RSU1: variants seen among roughly 807,000 people sequenced by gnomAD.
The protein encoded by RSU1 is Ras suppressor protein 1, also known as rsu-1.
Under a neutral mutation model 31.1 loss-of-function variants are expected in RSU1, and 26 were observed. The observed-to-expected ratio is 0.84, with a 90% confidence interval of 0.61 to 1.16. The LOEUF is 1.16. Ranked by LOEUF, RSU1 falls within the 50% of genes most tolerant of loss-of-function variation. The pLI is 0.00. For missense variants in RSU1, 320 were observed against 339.1 expected (o/e 0.94, Z 0.44); for synonymous variants, 164 against 136.3 (o/e 1.20, Z -1.41).
chr10:16,764,255 T>A, intron 4 of RSU1, 135 bp downstream of exon 4: 1 of 1,066,352 alleles, frequency 9.4e-7, no homozygotes. Flanking sequence ...AAAATTTTTT[T>A]AAGACCCAAA....
In RSU1 at chr10:16,809,995, G is replaced by T. The variant is rs147376286; in HGVS notation, c.109+6978C>A. On this transcript the variant is annotated intron_variant, in intron 2 of 8. Coordinates refer to ENST00000345264, the MANE Select transcript of RSU1 (RefSeq NM_012425.4). ...CAGCAATTTGGGAGGCCGGGGGTGGGGGGGGGAGGTGAATCACCTGAGGTC... is the reference window on the plus strand; with the variant it reads ...CAGCAATTTGGGAGGCCGGGGGTGGTGGGGGGAGGTGAATCACCTGAGGTC... Among the ~76,000 whole-genome samples, 452 of 150,470 alleles carry T rather than the reference G, an allele frequency of 3.0e-3. 4 individuals carry two copies. Among genetic ancestry groups the T allele is most frequent in the African/African-American group, 0.01 (417 of 41,322 alleles).
intron 7 of RSU1, among the ~76,000 whole-genome samples, chr10:16,721,070 AAC>A (rs1229394488): frequency 3.3e-5 from 5 of 152,192 alleles, no homozygotes; most frequent in African/African-American, 9.7e-5. Context: ...TTCATTCACA[AAC>A]ATTCCATTAG....
rs145566890 is a variant in RSU1, at chr10:16,809,056, C to T, written c.109+7917G>A. Reference sequence around the variant, plus strand: ...TCTGTTGTCAAAATCACCCAGCCTGCGGTGTTTTGTTTTGCAGCCGTAGGA... The same window carrying T: ...TCTGTTGTCAAAATCACCCAGCCTGTGGTGTTTTGTTTTGCAGCCGTAGGA... On this transcript the variant is annotated intron_variant, in intron 2 of 8. Coordinates refer to ENST00000345264, the MANE Select transcript of RSU1 (RefSeq NM_012425.4). Among the ~76,000 whole-genome samples the T allele has an allele frequency of 7.9e-3, 1,200 of 152,262 alleles. 23 individuals are homozygous for T. The highest frequency in any genetic ancestry group is 0.028 in the African/African-American group (1,157 of 41,544).
chr10:16,654,254 C>T lies in RSU1; in HGVS notation c.731+40769G>A, dbSNP rs116382243. On this transcript the variant is annotated intron_variant, in intron 8 of 8. Transcript: ENST00000345264. The stretch of plus-strand genomic sequence containing the variant: ...CTGACCTCAGGTGATCAGCTCACCT[C>T]GGCCTCCCAAAGCATTGGGATTACA... Among the ~76,000 whole-genome samples, 637 of 150,674 alleles carry T rather than the reference C, an allele frequency of 4.2e-3. 6 individuals are homozygous for T. The highest frequency in any genetic ancestry group is 0.015 in the African/African-American group (610 of 40,988).
chr10:16,630,428 G>A (rs927481041), intron 8 of RSU1, among the ~76,000 whole-genome samples: 2 of 152,162 alleles, frequency 1.3e-5, no homozygotes, highest in African/African-American at 2.4e-5. Flanking sequence ...CCCTTCTAAT[G>A]ATCAAGGGTC....
intron 8 of RSU1, among the ~76,000 whole-genome samples, chr10:16,637,309 T>A (rs945146259): frequency 7.9e-5 from 12 of 152,192 alleles, no homozygotes; most frequent in African/African-American, 2.7e-4. Flanking sequence ...ACAGGAGGGA[T>A]CAGGAGGTTG....
chr10:16,694,873 C>T, intron 8 of RSU1, 150 bp downstream of exon 8: 1 of 718,824 alleles, frequency 1.4e-6, no homozygotes, highest in Non-Finnish European at 2.2e-6. Flanking sequence ...CACACCACAC[C>T]TGGCCGACAT....
chr10:16,674,767 A>T (rs1006983234), intron 8 of RSU1, among the ~76,000 whole-genome samples: 1 of 152,114 alleles, frequency 6.6e-6, no homozygotes, highest in African/African-American at 2.4e-5. Flanking sequence ...AAAGCCGGCC[A>T]GAAGCTGTAA....
chr10:16,656,639 T>C (rs910326836), intron 8 of RSU1, among the ~76,000 whole-genome samples: 1 of 152,238 alleles, frequency 6.6e-6, no homozygotes, highest in Admixed American at 6.5e-5. Context: ...ACCAACCAAG[T>C]ATGCACAAGC....
rs544555752 is a variant in RSU1 at position 16,632,553 on chromosome 10, C to G, written c.732-39057G>C. Among the ~76,000 whole-genome samples the G allele has an allele frequency of 3.9e-5, 6 of 152,306 alleles. No individual in the cohort carries two copies. In the East Asian group the frequency reaches 9.6e-4, roughly 24 times the overall value. ...CTGGCAAACTGCAGTGCCCCTGCAT[C>G]CTATCACAACCACCATGCCCCACAA... On this transcript the variant is annotated intron_variant, in intron 8 of 8. Transcript: ENST00000345264.
At chr10:16,662,603 A>C (rs1834908489) in intron 8 of RSU1, among the ~76,000 whole-genome samples, 1 of 152,204 alleles carries the variant, frequency 6.6e-6, no homozygotes, top group African/African-American at 2.4e-5. Context: ...CATTAGAAGT[A>C]TATTTTTGGT....
chr10:16,677,682 C>G (rs1835258847), intron 8 of RSU1, among the ~76,000 whole-genome samples: 1 of 152,078 alleles, frequency 6.6e-6, no homozygotes, highest in African/African-American at 2.4e-5. Context: ...GTTGCCCTGT[C>G]TCAACTAAAC....
chr10:16,801,691 T>C (rs1838158256), intron 2 of RSU1, among the ~76,000 whole-genome samples: 1 of 149,820 alleles, frequency 6.7e-6, no homozygotes. Context: ...CAATATATGC[T>C]CTCAGTCCAC....
At chr10:16,789,294 T>A (rs1837863973) in intron 2 of RSU1, among the ~76,000 whole-genome samples, 1 of 152,234 alleles carries the variant, frequency 6.6e-6, no homozygotes, top group African/African-American at 2.4e-5. Flanking sequence ...TCTTTCTCAC[T>A]CTTGCCACAG....
At chr10:16,674,869 C>T (rs893555955) in intron 8 of RSU1, among the ~76,000 whole-genome samples, 4 of 151,980 alleles carry the variant, frequency 2.6e-5, no homozygotes, top group African/African-American at 9.7e-5. Context: ...TCCATCTCTA[C>T]TAAAAATACA....
In RSU1 at chr10:16,754,873, A is replaced by C; in HGVS notation, c.398T>G (p.Leu133Arg). 1 of 1,575,870 alleles carries C rather than the reference A, an allele frequency of 6.3e-7. No individual in the cohort carries two copies. The highest frequency in any genetic ancestry group is 1.1e-5 in the South Asian group (1 of 90,040). Residue 133 changes from leucine to arginine, a missense_variant and splice_region_variant, in exon 5 of 9, where the codon CTG becomes CGG. By Grantham distance (102) the Leu-to-Arg change is moderately radical. Coordinates refer to ENST00000345264, the MANE Select transcript of RSU1 (RefSeq NM_012425.4). The part of the protein sequence containing the change: ...ENSLPGNFFY[L>R]TTLRALYLSD... ...TTATAGAATTGAAAGTTTCTTACTCAGGTAGAAGAAGTTTCCAGGAAGAGA... is the reference window on the plus strand; with the variant it reads ...TTATAGAATTGAAAGTTTCTTACTCCGGTAGAAGAAGTTTCCAGGAAGAGA...
At chr10:16,728,702 G>C (rs1395511438) in intron 7 of RSU1, among the ~76,000 whole-genome samples, 3 of 152,180 alleles carry the variant, frequency 2.0e-5, no homozygotes, top group Non-Finnish European at 4.4e-5. Flanking sequence ...AGGTTATCTG[G>C]GTGGGCCTGA....
At chr10:16,658,215 C>A (rs1834826323) in intron 8 of RSU1, among the ~76,000 whole-genome samples, 1 of 152,004 alleles carries the variant, frequency 6.6e-6, no homozygotes. Flanking sequence ...TTTCCATTTG[C>A]AATAGAAATA....
At chr10:16,771,333 A>G (rs1837420979) in intron 3 of RSU1, among the ~76,000 whole-genome samples, 2 of 152,200 alleles carry the variant, frequency 1.3e-5, no homozygotes, top group Non-Finnish European at 2.9e-5. Flanking sequence ...TGAATGAAGT[A>G]AGGGAGGAAA....
Sources: allele counts gnomAD v4.1 joint callset (sites outside exome capture counted in the v4.1 genomes callset), GRCh38; gene constraint gnomAD v4.1.1; transcripts MANE v1.5; gene names NCBI Gene and HGNC (gene_info 2026-07-23, HGNC 2026-07-21).